Variants in THRB observed in about 807,000 individuals in gnomAD.
THRB encodes thyroid hormone receptor beta.
THRB carries 12 observed loss-of-function variants against 47.8 expected under a neutral mutation model. The observed-to-expected ratio is 0.25, with a 90% CI of 0.16 to 0.41. The LOEUF (loss-of-function observed/expected upper bound fraction) is 0.41. Among genes scored for constraint, THRB ranks in the 10% least tolerant of loss-of-function variants. THRB has a pLI of 1.00. For synonymous variants in THRB, 218 were observed against 212.2 expected, an observed-to-expected ratio of 1.03 and a Z score of -0.24; for missense variants, 348 against 589.2, an observed-to-expected ratio of 0.59 and a Z score of 4.24.
At chr3:24,144,077 A>T (rs182734595) in intron 7 of THRB, 240 of 272,176 alleles carry the variant, frequency 8.8e-4, no homozygotes, top group African/African-American at 4.8e-3. Context: ...ATCCGAATTC[A>T]CTCTCTGGGT....
At chr3:24,147,073 A>T (rs578071692) in intron 6 of THRB, among the ~76,000 whole-genome samples, 41 of 152,178 alleles carry the variant, frequency 2.7e-4, no homozygotes, top group Non-Finnish European at 4.9e-4. Context: ...CAAGGAAAAG[A>T]GGCTAGTAGG....
At chr3:24,358,434 T>C (rs1342237211) in intron 1 of THRB, among the ~76,000 whole-genome samples, 3 of 152,170 alleles carry the variant, frequency 2.0e-5, no homozygotes, top group Non-Finnish European at 2.9e-5. Context: ...TTTGATTCAT[T>C]TGGAATTTAT....
rs1162952820 is a variant in THRB at position 24,432,574 on chromosome 3, T to C, written c.-261+62078A>G. Among the ~76,000 whole-genome samples the C allele has an allele frequency of 2.6e-5, 4 of 152,128 alleles. No homozygotes were observed. The South Asian group carries it at 6.2e-4, about 24-fold the overall frequency. On this transcript the variant is annotated intron_variant, in intron 1 of 10. Coordinates refer to ENST00000646209, the MANE Select transcript of THRB (RefSeq NM_001354712.2). Reference sequence around the variant, plus strand: ...ATAAAGAGCTTCCAGGGAAAGTTAATGTAGACACTGGGGTGTTGAAAATCC... The same window carrying C: ...ATAAAGAGCTTCCAGGGAAAGTTAACGTAGACACTGGGGTGTTGAAAATCC...
chr3:24,261,703 A>C (rs1349916422), intron 3 of THRB, among the ~76,000 whole-genome samples: 1 of 152,078 alleles, frequency 6.6e-6, no homozygotes, highest in East Asian at 1.9e-4. Context: ...AGTTAAGCCA[A>C]CCCATGAGGC....
chr3:24,360,046 A>G (rs2063956238), intron 1 of THRB, among the ~76,000 whole-genome samples: 1 of 152,196 alleles, frequency 6.6e-6, no homozygotes, highest in African/African-American at 2.4e-5. Context: ...TATTAATCCA[A>G]GGCCTTATTT....
At chr3:24,322,203 A>G (rs1037336703) in intron 2 of THRB, among the ~76,000 whole-genome samples, 5 of 152,220 alleles carry the variant, frequency 3.3e-5, no homozygotes, top group Non-Finnish European at 1.5e-5. Context: ...ATTTGGAGAG[A>G]AACAATTATA....
intron 1 of THRB, among the ~76,000 whole-genome samples, chr3:24,372,967 A>G (rs1350810853): frequency 6.6e-6 from 1 of 152,096 alleles, no homozygotes; most frequent in Non-Finnish European, 1.5e-5. Flanking sequence ...TGGTTTTTAG[A>G]CTATGCTCCA....
intron 1 of THRB, among the ~76,000 whole-genome samples, chr3:24,438,002 G>C (rs183423881): frequency 1.3e-5 from 2 of 151,796 alleles, no homozygotes; most frequent in African/African-American, 4.8e-5. Flanking sequence ...TGTTTTTCAA[G>C]GGCTTTATAC....
chr3:24,420,544 T>C (rs2069144098), intron 1 of THRB, among the ~76,000 whole-genome samples: 1 of 151,742 alleles, frequency 6.6e-6, no homozygotes, highest in South Asian at 2.1e-4. Flanking sequence ...GCAAAGGACA[T>C]GAACAGACAT....
At chr3:24,412,908 GA>G (rs960046907) in intron 1 of THRB, among the ~76,000 whole-genome samples, 15 of 151,718 alleles carry the variant, frequency 9.9e-5, no homozygotes, top group East Asian at 9.8e-4. Flanking sequence ...AAATATGTGA[GA>G]AAAAAATCTA....
intron 6 of THRB, among the ~76,000 whole-genome samples, chr3:24,147,869 T>C (rs2036314132): frequency 6.6e-6 from 1 of 152,102 alleles, no homozygotes; most frequent in Non-Finnish European, 1.5e-5. Context: ...CCAAATCACA[T>C]GGTAAGTACA....
intron 3 of THRB, among the ~76,000 whole-genome samples, chr3:24,277,657 G>T (rs147824886): frequency 2.0e-3 from 305 of 152,234 alleles, no homozygotes; most frequent in African/African-American, 7.0e-3. Context: ...AGTTACCAAA[G>T]TTATATTTAT....
intron 1 of THRB, among the ~76,000 whole-genome samples, chr3:24,382,194 CA>C (rs1560066360): frequency 6.6e-6 from 1 of 151,754 alleles, no homozygotes; most frequent in Non-Finnish European, 1.5e-5. Context: ...CCTTCAGATA[CA>C]AAATTAAGAC....
intron 1 of THRB, among the ~76,000 whole-genome samples, chr3:24,406,447 G>A (rs925977869): frequency 6.6e-6 from 1 of 151,606 alleles, no homozygotes; most frequent in Non-Finnish European, 1.5e-5. Flanking sequence ...TTCTCTAGTA[G>A]TAAAAATTTC....
intron 5 of THRB, among the ~76,000 whole-genome samples, chr3:24,170,204 C>T (rs1041054139): frequency 1.3e-5 from 2 of 152,154 alleles, no homozygotes. Flanking sequence ...AAGCAAATAA[C>T]CTTCAAGACA....
chr3:24,223,562 A>G (rs1230512711), intron 4 of THRB, among the ~76,000 whole-genome samples: 4 of 152,200 alleles, frequency 2.6e-5, no homozygotes, highest in Non-Finnish European at 5.9e-5. Context: ...AGATGGAAAG[A>G]GAGAGAAAGA....
chr3:24,319,242 A>T (rs959620108), intron 2 of THRB, among the ~76,000 whole-genome samples: 1 of 152,196 alleles, frequency 6.6e-6, no homozygotes, highest in Admixed American at 6.5e-5. Flanking sequence ...TAGCCTAGCA[A>T]ATCTTCCCCT....
At chr3:24,466,815 G>C (rs2074193958) in intron 1 of THRB, among the ~76,000 whole-genome samples, 2 of 152,142 alleles carry the variant, frequency 1.3e-5, no homozygotes. Context: ...TCTTTTTGCA[G>C]GTGAAGCGTC....
chr3:24,353,981 A>G (rs1163789288), intron 1 of THRB, among the ~76,000 whole-genome samples: 1 of 152,132 alleles, frequency 6.6e-6, no homozygotes, highest in Non-Finnish European at 1.5e-5. Flanking sequence ...TCTATTAAGA[A>G]TTTTAAAGGT....
Sources: allele counts gnomAD v4.1 joint callset (sites outside exome capture counted in the v4.1 genomes callset), GRCh38; gene constraint gnomAD v4.1.1; transcripts MANE v1.5; gene names NCBI Gene and HGNC (gene_info 2026-07-23, HGNC 2026-07-21).